NKAIN2: variants seen among roughly 807,000 people sequenced by gnomAD.
The protein encoded by NKAIN2 is sodium/potassium-transporting ATPase subunit beta-1-interacting protein 2.
In NKAIN2, 14 loss-of-function variants were observed where a neutral mutation model predicts 32.6. The observed-to-expected ratio is 0.43, with a 90% CI of 0.28 to 0.67. The LOEUF is 0.67. Among genes scored for constraint, NKAIN2 ranks in the 30% least tolerant of loss-of-function variants. NKAIN2 has a pLI of 0.17. For missense variants in NKAIN2, 198 were observed against 258.3 expected (o/e 0.77, Z 1.60); for synonymous variants, 80 against 87.2 (o/e 0.92, Z 0.46).
chr6:124,775,373 T>C (rs1004487046), intron 4 of NKAIN2, among the ~76,000 whole-genome samples: 13 of 152,186 alleles, frequency 8.5e-5, no homozygotes, highest in African/African-American at 3.1e-4. Flanking sequence ...AAGGAACTTC[T>C]GTTCGTATTC....
chr6:123,900,857 G>T (rs1774550458), intron 1 of NKAIN2, among the ~76,000 whole-genome samples: 1 of 151,948 alleles, frequency 6.6e-6, no homozygotes, highest in African/African-American at 2.4e-5. Context: ...GTTAGGATCA[G>T]CAAAAGAAGA....
intron 1 of NKAIN2, among the ~76,000 whole-genome samples, chr6:123,960,360 C>T (rs1012777937): frequency 3.3e-5 from 5 of 152,112 alleles, no homozygotes; most frequent in Non-Finnish European, 5.9e-5. Context: ...GTGGAGGGAC[C>T]TCTTCTCCTC....
At chr6:124,633,200 T>C (rs769841634) in intron 3 of NKAIN2, among the ~76,000 whole-genome samples, 3 of 152,178 alleles carry the variant, frequency 2.0e-5, no homozygotes, top group Non-Finnish European at 4.4e-5. Context: ...TGAAATCTAG[T>C]CTTATCCTTA....
At chr6:124,200,967 G>A (rs1790562444) in intron 1 of NKAIN2, among the ~76,000 whole-genome samples, 1 of 152,034 alleles carries the variant, frequency 6.6e-6, no homozygotes, top group African/African-American at 2.4e-5. Context: ...AAATTATGTT[G>A]CCAGGATCAC....
chr6:124,729,444 C>T (rs931158339), intron 4 of NKAIN2, among the ~76,000 whole-genome samples: 2 of 151,788 alleles, frequency 1.3e-5, no homozygotes, highest in Admixed American at 6.6e-5. Context: ...ATAAGCAGAG[C>T]CAAAGACAAA....
chr6:123,981,861 AG>A (rs1172255224), intron 1 of NKAIN2, among the ~76,000 whole-genome samples: 1 of 152,034 alleles, frequency 6.6e-6, no homozygotes, highest in Non-Finnish European at 1.5e-5. Context: ...GAAGCTGGAG[AG>A]GGGAGGTTGA....
chr6:123,861,712 C>T (rs1201162981), intron 1 of NKAIN2, among the ~76,000 whole-genome samples: 1 of 152,032 alleles, frequency 6.6e-6, no homozygotes, highest in African/African-American at 2.4e-5. Flanking sequence ...TAGAAAACAC[C>T]AGAGTGTGAA....
At chr6:124,015,681 T>C (rs1436138539) in intron 1 of NKAIN2, among the ~76,000 whole-genome samples, 1 of 152,200 alleles carries the variant, frequency 6.6e-6, no homozygotes, top group Non-Finnish European at 1.5e-5. Context: ...GACTGGGTCA[T>C]TAGTACTTAT....
intron 2 of NKAIN2, among the ~76,000 whole-genome samples, chr6:124,339,647 C>A (rs1798038916): frequency 6.6e-6 from 1 of 152,124 alleles, no homozygotes; most frequent in Admixed American, 6.5e-5. Context: ...TACATTGGAC[C>A]TACGCAGATA....
intron 4 of NKAIN2, among the ~76,000 whole-genome samples, chr6:124,682,031 T>C (rs1386461004): frequency 6.6e-6 from 1 of 151,990 alleles, no homozygotes; most frequent in East Asian, 1.9e-4. Flanking sequence ...GGGATAAAAA[T>C]GTAATGTACA....
intron 1 of NKAIN2, among the ~76,000 whole-genome samples, chr6:123,962,666 A>G (rs953356874): frequency 6.6e-6 from 1 of 152,118 alleles, no homozygotes; most frequent in Non-Finnish European, 1.5e-5. Context: ...GCAGCCTTCC[A>G]GTGCAGCATG....
Position 123,882,147 on chromosome 6 carries a change from T to C in NKAIN2, c.54+77893T>C, listed in dbSNP as rs569076143. On this transcript the variant is annotated intron_variant, in intron 1 of 6. Coordinates refer to ENST00000368417, the MANE Select transcript of NKAIN2 (RefSeq NM_001040214.3). ...ACCAACCTCCGCATATTACTCACTTTTATGTTGTGTTTTAAATTTTTGCAC... is the reference window on the plus strand; with the variant it reads ...ACCAACCTCCGCATATTACTCACTTCTATGTTGTGTTTTAAATTTTTGCAC... Among the ~76,000 whole-genome samples the C allele has an allele frequency of 9.9e-4, 150 of 152,132 alleles. 1 individual carries two copies. Among genetic ancestry groups the C allele is most frequent in the Non-Finnish European group, 1.9e-3 (127 of 67,982 alleles).
At chr6:124,080,221 C>T (rs1400306635) in intron 1 of NKAIN2, among the ~76,000 whole-genome samples, 1 of 152,046 alleles carries the variant, frequency 6.6e-6, no homozygotes, top group African/African-American at 2.4e-5. Flanking sequence ...TGGGACTCTA[C>T]TTCTGTAAGG....
chr6:124,383,082 C>A (rs1772718575), intron 3 of NKAIN2, among the ~76,000 whole-genome samples: 2 of 152,262 alleles, frequency 1.3e-5, no homozygotes. Context: ...TGTTGTTCCT[C>A]CAATAGTGTC....
At chr6:124,334,544 G>A (rs971147364) in intron 2 of NKAIN2, among the ~76,000 whole-genome samples, 5 of 41,742 alleles carry the variant, frequency 1.2e-4, no homozygotes, top group South Asian at 7.3e-4. Context: ...TGAGTCAGTC[G>A]GTTCCTGGTG....
chr6:124,515,154 C>T (rs755205304), intron 3 of NKAIN2, among the ~76,000 whole-genome samples: 2 of 152,084 alleles, frequency 1.3e-5, no homozygotes, highest in African/African-American at 2.4e-5. Context: ...AGGATATCAA[C>T]ATTTTGAAGC....
At chr6:124,405,354 A>T (rs1232615351) in intron 3 of NKAIN2, among the ~76,000 whole-genome samples, 1 of 151,664 alleles carries the variant, frequency 6.6e-6, no homozygotes, top group Non-Finnish European at 1.5e-5. Context: ...AGCACAAATA[A>T]TGATGTACAG....
chr6:123,938,606 TTTTTATATATTATATATA>T (rs1248136216), intron 1 of NKAIN2, among the ~76,000 whole-genome samples: 3 of 136,796 alleles, frequency 2.2e-5, no homozygotes, highest in East Asian at 2.1e-4. Context: ...ATTATATATA[TTTTTATATATTATATATA>T]TTTTATATAT....
chr6:124,793,380 A>G (rs1484302159), intron 5 of NKAIN2, among the ~76,000 whole-genome samples: 1 of 152,178 alleles, frequency 6.6e-6, no homozygotes, highest in East Asian at 1.9e-4. Flanking sequence ...GGCAAAATAT[A>G]TACGGATTTT....
Sources: allele counts gnomAD v4.1 joint callset (sites outside exome capture counted in the v4.1 genomes callset), GRCh38; gene constraint gnomAD v4.1.1; transcripts MANE v1.5; gene names NCBI Gene and HGNC (gene_info 2026-07-23, HGNC 2026-07-21).